DNAH8: variants seen among roughly 807,000 people sequenced by gnomAD.
The protein encoded by DNAH8 is dynein axonemal heavy chain 8, also known as axonemal beta dynein heavy chain 8.
In DNAH8, 382 loss-of-function variants were observed where a neutral mutation model predicts 562.1. The ratio of observed to expected loss-of-function variants is 0.68; its 90% confidence interval spans 0.63 to 0.74. The LOEUF (loss-of-function observed/expected upper bound fraction) is 0.74. DNAH8 is among the 30% of genes least tolerant of loss of function. The pLI, the probability that DNAH8 is intolerant of heterozygous loss-of-function variation, is 0.00. For synonymous variants in DNAH8, 1,881 were observed against 1,919.4 expected, an observed-to-expected ratio of 0.98 and a Z score of 0.52; for missense variants, 5,203 against 5,620.4, an observed-to-expected ratio of 0.93 and a Z score of 2.37.
chr6:38,958,334 A>G (rs1328549100), intron 82 of DNAH8, among the ~76,000 whole-genome samples: 2 of 151,902 alleles, frequency 1.3e-5, no homozygotes, highest in Admixed American at 1.3e-4. Context: ...ACAAATGATC[A>G]ACAAAATGAA....
At chr6:38,884,637 A>G (rs933770654) in intron 56 of DNAH8, among the ~76,000 whole-genome samples, 7 of 152,228 alleles carry the variant, frequency 4.6e-5, no homozygotes, top group African/African-American at 7.2e-5. Flanking sequence ...CTCTTTGGCT[A>G]CTTGACTTCA....
intron 21 of DNAH8, among the ~76,000 whole-genome samples, chr6:38,795,350 C>T (rs9394537): frequency 0.13 from 19,514 of 152,064 alleles, 1,507 homozygotes; most frequent in East Asian, 0.37. Flanking sequence ...GAGGCCGAGG[C>T]AGGTGGATCA....
rs562202549 is a variant in DNAH8 at position 39,017,227 on chromosome 6, T to C, written c.13714+4590T>C. On this transcript the variant is annotated intron_variant, in intron 91 of 92. Coordinates refer to ENST00000327475, the MANE Select transcript of DNAH8 (RefSeq NM_001206927.2). ...CTTCCCACATTATTTAAGATTGTTT[T>C]TCTCGGGTGTCGCAAAGGATGGCCC... Among the ~76,000 whole-genome samples the C allele has an allele frequency of 2.6e-5, 4 of 152,276 alleles. No individual in the cohort carries two copies. In the South Asian group the frequency reaches 8.3e-4, roughly 32 times the overall value.
At chr6:38,824,071 T>C (rs1313787844) in intron 28 of DNAH8, among the ~76,000 whole-genome samples, 1 of 152,172 alleles carries the variant, frequency 6.6e-6, no homozygotes, top group African/African-American at 2.4e-5. Flanking sequence ...ATACATGAGA[T>C]GGGACTCAAA....
intron 11 of DNAH8, among the ~76,000 whole-genome samples, chr6:38,768,007 T>G (rs149550600): frequency 2.6e-5 from 4 of 152,264 alleles, no homozygotes; most frequent in African/African-American, 9.6e-5. Flanking sequence ...GTGTATGGAG[T>G]GAAGTGACAT....
At chr6:38,849,171 G>C (rs1326119239) in intron 37 of DNAH8, among the ~76,000 whole-genome samples, 1 of 152,094 alleles carries the variant, frequency 6.6e-6, no homozygotes, top group East Asian at 1.9e-4. Context: ...GAATAATCTC[G>C]AGGTTGTTTG....
intron 21 of DNAH8, among the ~76,000 whole-genome samples, chr6:38,799,126 T>A (rs1770552996): frequency 6.6e-6 from 1 of 152,116 alleles, no homozygotes; most frequent in Non-Finnish European, 1.5e-5. Context: ...GGACATGGAG[T>A]GTCTGGCAAT....
intron 1 of DNAH8, among the ~76,000 whole-genome samples, chr6:38,719,227 C>CT (rs545268450): frequency 6.6e-6 from 1 of 152,188 alleles, no homozygotes; most frequent in African/African-American, 2.4e-5. Flanking sequence ...TTGAAGTAGT[C>CT]TTTTTTTCTG....
chr6:38,893,071 T>G (rs1464979553), intron 58 of DNAH8, among the ~76,000 whole-genome samples: 1 of 152,178 alleles, frequency 6.6e-6, no homozygotes, highest in Non-Finnish European at 1.5e-5. Flanking sequence ...TCTCAGGCTC[T>G]CCCCACTGGA....
intron 47 of DNAH8, 30 bp downstream of exon 47, chr6:38,866,906 C>G: frequency 7.2e-7 from 1 of 1,381,620 alleles, no homozygotes; most frequent in African/African-American, 1.4e-5. Context: ...TTCCTCCTAG[C>G]AATAGTATTT....
intron 66 of DNAH8, among the ~76,000 whole-genome samples, chr6:38,912,029 T>C (rs1190435870): frequency 1.3e-5 from 2 of 152,256 alleles, no homozygotes; most frequent in Non-Finnish European, 2.9e-5. Flanking sequence ...AAAGAGATTG[T>C]GTACCTAAGC....
At chr6:38,734,395 A>G in intron 4 of DNAH8, 79 bp from the exon 5 acceptor site, 2 of 1,485,310 alleles carry the variant, frequency 1.3e-6, no homozygotes, top group Non-Finnish European at 1.8e-6. Context: ...ACAGGAAACA[A>G]TAGTGTAAGA....
At chr6:38,751,691 T>G (rs558799527) in intron 9 of DNAH8, among the ~76,000 whole-genome samples, 1 of 152,324 alleles carries the variant, frequency 6.6e-6, no homozygotes, top group Non-Finnish European at 1.5e-5. Flanking sequence ...AAGTTTATAT[T>G]AACTTCAAAT....
Position 38,775,899 on chromosome 6 carries a change from C to G in DNAH8, c.1910C>G (p.Thr637Arg), listed in dbSNP as rs779850498. ...KQYDILDPRR[T>R]EFDTDFLDFM... Reference sequence around the variant, plus strand: ...TATGACATTCTGGATCCAAGAAGGACAGAATTTGACACAGATTTCTTAGAT... The same window carrying G: ...TATGACATTCTGGATCCAAGAAGGAGAGAATTTGACACAGATTTCTTAGAT... Residue 637 changes from threonine (T) to arginine (R), a missense_variant, in exon 13 of 93, where the codon ACA becomes AGA. Coordinates refer to ENST00000327475, the MANE Select transcript of DNAH8 (RefSeq NM_001206927.2). 1 of 1,613,024 alleles carries G rather than the reference C, an allele frequency of 6.2e-7. No individual in the cohort carries two copies. The highest frequency in any genetic ancestry group is 8.5e-7 in the Non-Finnish European group (1 of 1,179,268).
At chr6:39,004,063 T>C (rs879787953) in intron 88 of DNAH8, among the ~76,000 whole-genome samples, 20 of 152,128 alleles carry the variant, frequency 1.3e-4, no homozygotes, top group Admixed American at 7.9e-4. Flanking sequence ...TTAACGTCAG[T>C]TCTTATTTTG....
chr6:38,895,900 A>G, intron 59 of DNAH8, 133 bp from the exon 60 acceptor site: 1 of 693,404 alleles, frequency 1.4e-6, no homozygotes, highest in Non-Finnish European at 2.4e-6. Flanking sequence ...TTCTTATCAA[A>G]AGGCAGAACA....
intron 82 of DNAH8, among the ~76,000 whole-genome samples, chr6:38,971,230 A>G (rs896916257): frequency 6.6e-6 from 1 of 152,160 alleles, no homozygotes; most frequent in African/African-American, 2.4e-5. Flanking sequence ...TTACAGCAAA[A>G]CTAAAAAATC....
chr6:38,976,430 T>C (rs1763680568), intron 85 of DNAH8, among the ~76,000 whole-genome samples: 1 of 152,238 alleles, frequency 6.6e-6, no homozygotes, highest in African/African-American at 2.4e-5. Flanking sequence ...GACATATGTT[T>C]CAGAAATATC....
intron 58 of DNAH8, among the ~76,000 whole-genome samples, chr6:38,893,682 C>T (rs536518781): frequency 2.6e-5 from 4 of 152,194 alleles, no homozygotes; most frequent in Admixed American, 2.6e-4. Context: ...TTTTCATCTC[C>T]CCATGCTACT....
Sources: gnomAD v4.1 joint callset for allele counts (sites outside exome capture counted in the v4.1 genomes callset) on GRCh38, gnomAD v4.1.1 for gene constraint, MANE v1.5 for transcripts, NCBI Gene and HGNC (gene_info 2026-07-23, HGNC 2026-07-21) for gene names.